The following IGHMBP2 variants were observed in gnomAD, a reference collection of about 807,000 sequenced individuals.
IGHMBP2 encodes the protein DNA-binding protein SMUBP-2.
IGHMBP2 carries 81 observed loss-of-function variants against 96.0 expected under a neutral mutation model. That is an observed-to-expected ratio of 0.84 (90% confidence interval 0.71 to 1.01). The LOEUF is 1.01. Ranked by LOEUF, IGHMBP2 falls within the 50% of genes least tolerant of loss-of-function variation. The pLI is 0.00. For missense variants in IGHMBP2, 1,227 were observed against 1,306.3 expected, an observed-to-expected ratio of 0.94 and a Z score of 0.94; for synonymous variants, 557 against 548.9, an observed-to-expected ratio of 1.01 and a Z score of -0.21.
rs756948501 is a variant in IGHMBP2 at position 68,936,976 on chromosome 11, G to C, written c.2496G>C (p.Thr832=). ...GCCCAGACCAGCCTGATCTGAGGAC[G>C]CTGCACCTGGAGAGACTGCAGAGGG... ...QRGPDQPDLR[T]LHLERLQRVR... is the part of the protein sequence containing the mutation. The change falls in exon 13 of 15, where the codon ACG becomes ACC. Residue 832 remains threonine, a synonymous_variant. Transcript: ENST00000255078. The C allele has an allele frequency of 1.2e-6, 2 of 1,607,708 alleles. No individual in the cohort carries two copies. Among genetic ancestry groups the C allele is most frequent in the Non-Finnish European group, 1.7e-6 (2 of 1,178,026 alleles).
At chr11:68,909,510 A>G (rs1372494870) in intron 4 of IGHMBP2, among the ~76,000 whole-genome samples, 1 of 151,610 alleles carries the variant, frequency 6.6e-6, no homozygotes, top group African/African-American at 2.4e-5. Flanking sequence ...TGTTCTTTTT[A>G]GTGTATATAA....
In IGHMBP2 at chr11:68,939,539, T is replaced by C. The variant is rs965426447; in HGVS notation, c.2790T>C (p.His930=). 1.2e-6 allele frequency: 2 copies of C among 1,611,938 alleles called. No individual in the cohort carries two copies. The highest frequency in any genetic ancestry group is 8.5e-7 in the Non-Finnish European group (1 of 1,180,008). The part of the protein sequence containing the change: ...YCLSHHLPEI[H]GCGERARAHA... ...GATTCTTGTGTCCTCCCCAGATCCA[T>C]GGCTGCGGTGAGAGGGCTCGCGCCC... The change falls in exon 15 of 15, where the codon CAT becomes CAC. Residue 930 remains histidine, a synonymous_variant. Coordinates refer to ENST00000255078, the MANE Select transcript of IGHMBP2 (RefSeq NM_002180.3).
chr11:68,917,407 C>G (rs1167016017), intron 6 of IGHMBP2, among the ~76,000 whole-genome samples: 1 of 152,114 alleles, frequency 6.6e-6, no homozygotes, highest in Non-Finnish European at 1.5e-5. Context: ...CTCCTACAAC[C>G]CAAATCCTGG....
intron 2 of IGHMBP2, 75 bp from the exon 3 acceptor site, chr11:68,908,070 T>G: frequency 9.2e-7 from 1 of 1,092,210 alleles, no homozygotes; most frequent in Non-Finnish European, 1.4e-6. Context: ...ATTTGAAGTA[T>G]AGTGGATTTT....
chr11:68,908,212 G>A lies in IGHMBP2; in HGVS notation c.324G>A (p.Arg108=), dbSNP rs2154006693. 6.2e-7 allele frequency: 1 copy of A among 1,614,038 alleles called. No individual in the cohort carries two copies. Among genetic ancestry groups the A allele is most frequent in the East Asian group, 2.2e-5 (1 of 44,876 alleles). The change falls in exon 3 of 15, where the codon CGG becomes CGA. Residue 108 remains arginine, a synonymous_variant. Transcript: ENST00000255078. ...AGCTGGCCACTGGGATCTTGACCCG[G>A]GTCACCCAGAAGTCGGTCACGGTGG... is the stretch of plus-strand genomic sequence containing the variant. The part of the protein sequence containing the change: ...GSQLATGILT[R]VTQKSVTVAF...
chr11:68,928,722 G>T (rs1165680888), intron 7 of IGHMBP2, among the ~76,000 whole-genome samples: 1 of 152,086 alleles, frequency 6.6e-6, no homozygotes, highest in East Asian at 1.9e-4. Flanking sequence ...GCTGCTCCGC[G>T]TCCCAGGAAG....
At position 68,915,033 on chromosome 11, in the gene IGHMBP2, A is replaced by G. The variant is rs776941252; in HGVS notation, c.912+10A>G. 1.2e-5 allele frequency: 19 copies of G among 1,612,098 alleles called. No homozygotes were observed. The highest frequency in any genetic ancestry group is 3.4e-6 in the Non-Finnish European group (4 of 1,178,532). The stretch of plus-strand genomic sequence containing the variant: ...CATCGACCAGGTCTTTGTAGGTGTC[A>G]TGGCCAGTGTCCATGTGGGGCGTGG... On this transcript the variant is annotated intron_variant, in intron 6 of 14. Coordinates refer to ENST00000255078, the MANE Select transcript of IGHMBP2 (RefSeq NM_002180.3).
Position 68,938,059 on chromosome 11 carries a change from C to T in IGHMBP2, c.2612-123C>T, listed in dbSNP as rs3794031. 241,930 of 1,096,376 alleles carry T rather than the reference C, an allele frequency of 0.22. 28,914 individuals carry two copies. Among genetic ancestry groups the T allele is most frequent in the Non-Finnish European group, 0.25 (180,521 of 715,144 alleles). 67.9% of individuals were successfully genotyped at this position (1,096,376 alleles called of 1,614,324 possible). On this transcript the variant is annotated intron_variant, in intron 13 of 14. Coordinates refer to ENST00000255078, the MANE Select transcript of IGHMBP2 (RefSeq NM_002180.3). ...CCGCAAGCAGTCCTCCTACCTCAGC[C>T]TCCCAAAATGCTGGGATTACAGGTG...
At position 68,933,476 on chromosome 11, in the gene IGHMBP2, C is replaced by G. The variant is rs1036050370; in HGVS notation, c.1413C>G (p.Leu471=). The change falls in exon 9 of 15, where the codon CTC becomes CTG. Residue 471 remains leucine, a synonymous_variant. Coordinates refer to ENST00000255078, the MANE Select transcript of IGHMBP2 (RefSeq NM_002180.3). Reference sequence around the variant, plus strand: ...CCCACTCTTCCGTGGCAAGGCACCTCCTGAGGTGAGTAGCTCGGCACCACC... The same window carrying G: ...CCCACTCTTCCGTGGCAAGGCACCTGCTGAGGTGAGTAGCTCGGCACCACC... ...LTAHSSVARH[L]LRDLPGVAAT... 19 of 1,611,918 alleles carry G rather than the reference C, an allele frequency of 1.2e-5. No homozygotes were observed. The highest frequency in any genetic ancestry group is 1.7e-5 in the Admixed American group (1 of 59,834).
At chr11:68,930,777 G>A (rs191432300) in intron 8 of IGHMBP2, among the ~76,000 whole-genome samples, 7 of 152,296 alleles carry the variant, frequency 4.6e-5, no homozygotes, top group Admixed American at 3.3e-4. Context: ...CAGGTCATCC[G>A]TCGAGTGTTC....
chr11:68,933,622 G>T, intron 9 of IGHMBP2, 141 bp downstream of exon 9: 4 of 1,183,708 alleles, frequency 3.4e-6, no homozygotes, highest in Non-Finnish European at 4.9e-6. Flanking sequence ...AGAGAGGGTG[G>T]CCTTGCCCTG....
intron 7 of IGHMBP2, among the ~76,000 whole-genome samples, chr11:68,920,274 G>GA (rs1268521343): frequency 3.3e-5 from 5 of 152,100 alleles, no homozygotes; most frequent in African/African-American, 1.2e-4. Flanking sequence ...ACCTAGGCTG[G>GA]AGTACAGTGG....
Position 68,927,990 on chromosome 11 carries a change from A to G in IGHMBP2, c.1061-1193A>G, listed in dbSNP as rs80295766. On this transcript the variant is annotated intron_variant, in intron 7 of 14. Transcript: ENST00000255078. ...ACGGGGATTCAGATGCTTTTCTGGAATGAACACTTCCCTGATTGCTGCAGC... is the reference window on the plus strand; with the variant it reads ...ACGGGGATTCAGATGCTTTTCTGGAGTGAACACTTCCCTGATTGCTGCAGC... Among the ~76,000 whole-genome samples the G allele has an allele frequency of 5.5e-3, 833 of 152,318 alleles. 6 individuals carry two copies. Among genetic ancestry groups the G allele is most frequent in the Admixed American group, 9.0e-3 (137 of 15,294 alleles).
chr11:68,922,160 A>G (rs1168899163), intron 7 of IGHMBP2, among the ~76,000 whole-genome samples: 3 of 152,054 alleles, frequency 2.0e-5, no homozygotes, highest in African/African-American at 7.2e-5. Context: ...TACTAAAAAT[A>G]CAAAAAAATT....
At chr11:68,916,973 A>G (rs963215988) in intron 6 of IGHMBP2, among the ~76,000 whole-genome samples, 14 of 83,214 alleles carry the variant, frequency 1.7e-4, no homozygotes, top group African/African-American at 5.2e-4. Flanking sequence ...GAAAGGTTAC[A>G]TCTTTTTTTT....
chr11:68,905,980 T>C, intron 1 of IGHMBP2, 89 bp from the exon 2 acceptor site: 1 of 1,305,418 alleles, frequency 7.7e-7, no homozygotes, highest in Non-Finnish European at 1.1e-6. Flanking sequence ...TAGATCTTTA[T>C]CTATGTTTCT....
chr11:68,926,633 A>C (rs1264896128), intron 7 of IGHMBP2, among the ~76,000 whole-genome samples: 1 of 152,176 alleles, frequency 6.6e-6, no homozygotes, highest in Non-Finnish European at 1.5e-5. Context: ...TTGGTGAGAC[A>C]TTATTCTCAT....
chr11:68,934,814 G>A (rs1048266823), intron 11 of IGHMBP2, among the ~76,000 whole-genome samples: 1 of 152,224 alleles, frequency 6.6e-6, no homozygotes, highest in African/African-American at 2.4e-5. Context: ...CAGATTTGCT[G>A]GGTGACCCCG....
chr11:68,929,454 C>T (rs754235787), intron 8 of IGHMBP2, 97 bp downstream of exon 8: 41 of 1,178,734 alleles, frequency 3.5e-5, no homozygotes, highest in Middle Eastern at 2.3e-4. Flanking sequence ...GGAGCCCCTG[C>T]GGTGCCTCCT....
Sources: allele counts gnomAD v4.1 joint callset (sites outside exome capture counted in the v4.1 genomes callset), GRCh38; gene constraint gnomAD v4.1.1; transcripts MANE v1.5; gene names NCBI Gene and HGNC (gene_info 2026-07-23, HGNC 2026-07-21).